The following FNIP2 variants were observed in gnomAD, a reference collection of about 807,000 sequenced individuals.
The protein encoded by FNIP2 is folliculin interacting protein 2.
A neutral mutation model predicts 108.7 loss-of-function variants in FNIP2; 32 were observed. That is an observed-to-expected ratio of 0.29 (90% CI 0.22 to 0.40). The LOEUF (loss-of-function observed/expected upper bound fraction) is 0.40. FNIP2 is among the 10% of genes least tolerant of loss of function. FNIP2 has a pLI of 1.00. For synonymous variants in FNIP2, 480 were observed against 496.7 expected, an observed-to-expected ratio of 0.97 and a Z score of 0.45; for missense variants, 1,202 against 1,381.6, an observed-to-expected ratio of 0.87 and a Z score of 2.06.
intron 14 of FNIP2, chr4:158,871,919 G>T (rs932241158): frequency 8.1e-6 from 8 of 985,296 alleles, no homozygotes; most frequent in Non-Finnish European, 9.6e-6. Context: ...CTGTATTTAT[G>T]TGTGTTTAGT....
intron 13 of FNIP2, 95 bp from the exon 14 acceptor site, chr4:158,870,218 A>T: frequency 7.5e-7 from 1 of 1,338,264 alleles, no homozygotes; most frequent in South Asian, 1.4e-5. Context: ...AATCTATTTT[A>T]TTTACCTGTA....
At position 158,876,974 on chromosome 4, in the gene FNIP2, TG is replaced by T. The variant is rs144158080; in HGVS notation, c.2949+6506del. On this transcript the variant is annotated intron_variant, in intron 14 of 16. Transcript: ENST00000264433. Reference sequence around the variant, plus strand: ...TTGCATCGTGTCAGAGTTAGACACATGTCTAATTTTGATGTTTTTCCCAAAA... The same window carrying T: ...TTGCATCGTGTCAGAGTTAGACACATTCTAATTTTGATGTTTTTCCCAAAA... 7.1e-3 allele frequency among the ~76,000 whole-genome samples: 1,075 copies of T among 152,342 alleles called. 9 individuals carry two copies. Among genetic ancestry groups the T allele is most frequent in the African/African-American group, 0.024 (991 of 41,578 alleles).
At chr4:158,864,064 C>A (rs1026456638) in intron 12 of FNIP2, among the ~76,000 whole-genome samples, 7 of 152,098 alleles carry the variant, frequency 4.6e-5, no homozygotes, top group Admixed American at 2.6e-4. Flanking sequence ...GACAGAGTCT[C>A]GCTCTGTCAC....
intron 10 of FNIP2, 27 bp from the exon 11 acceptor site, chr4:158,861,315 G>T: frequency 6.3e-7 from 1 of 1,591,734 alleles, no homozygotes; most frequent in Non-Finnish European, 8.5e-7. Flanking sequence ...TGACACTTTT[G>T]TGTTTCCCTC....
rs775128738 is a variant in FNIP2, at chr4:158,869,370, C to A, written c.2734C>A (p.Leu912Met). 2 of 1,611,850 alleles carry A rather than the reference C, an allele frequency of 1.2e-6. No individual in the cohort carries two copies. The highest frequency in any genetic ancestry group is 1.7e-5 in the Admixed American group (1 of 59,766). ...AGCCTGCGCTTCAGCCATGCTAGAT[C>A]TGGGTCACGGTGGTGACAGGACTGG... ...DEACASAMLDLGHGGDRTGGS... is the reference protein window; with the variant it reads ...DEACASAMLDMGHGGDRTGGS... Residue 912 changes from leucine to methionine, a missense_variant, in exon 13 of 17, where the codon CTG becomes ATG. Coordinates refer to ENST00000264433, the MANE Select transcript of FNIP2 (RefSeq NM_020840.3).
At chr4:158,846,320 T>G (rs570664008) in intron 7 of FNIP2, among the ~76,000 whole-genome samples, 1 of 152,348 alleles carries the variant, frequency 6.6e-6, no homozygotes, top group East Asian at 1.9e-4. Flanking sequence ...TCTTTTCTGT[T>G]TTTTTAAATG....
intron 14 of FNIP2, among the ~76,000 whole-genome samples, chr4:158,879,900 C>T (rs1191041893): frequency 6.7e-6 from 1 of 150,306 alleles, no homozygotes. Context: ...GAGATACCAT[C>T]TCACACCAGT....
At chr4:158,878,829 G>C (rs995402426) in intron 14 of FNIP2, among the ~76,000 whole-genome samples, 1 of 152,092 alleles carries the variant, frequency 6.6e-6, no homozygotes, top group Admixed American at 6.5e-5. Flanking sequence ...AAAAAAAAGA[G>C]AGGATAATGT....
At chr4:158,850,845 C>A (rs1038004310) in intron 7 of FNIP2, among the ~76,000 whole-genome samples, 9 of 151,822 alleles carry the variant, frequency 5.9e-5, no homozygotes, top group African/African-American at 2.2e-4. Flanking sequence ...TAGTAGAAAT[C>A]TGCAATCTAC....
rs1297211800 is a variant in FNIP2, at chr4:158,906,759, T to G, written c.*2215T>G. 6.6e-6 allele frequency: 1 copy of G among 152,102 alleles called. No homozygotes were observed. Among genetic ancestry groups the G allele is most frequent in the African/African-American group, 2.4e-5 (1 of 41,418 alleles). 9.4% of individuals were successfully genotyped at this position (152,102 alleles called of 1,614,324 possible). On this transcript the variant is annotated 3_prime_UTR_variant, in exon 17 of 17. Transcript: ENST00000264433. Reference sequence around the variant, plus strand: ...TTTATAATCCTTTAAATATTTAACATTCAAGTTTTCTTTGTCTTAAATTCA... The same window carrying G: ...TTTATAATCCTTTAAATATTTAACAGTCAAGTTTTCTTTGTCTTAAATTCA...
At chr4:158,891,346 G>T (rs888681234) in intron 14 of FNIP2, 100 bp from the exon 15 acceptor site, 5 of 1,130,878 alleles carry the variant, frequency 4.4e-6, no homozygotes, top group Non-Finnish European at 5.0e-6. Context: ...CTGCCTGGCT[G>T]TCAAGAATTT....
chr4:158,895,782 G>A lies in FNIP2; in HGVS notation c.3183G>A (p.Glu1061=), dbSNP rs1217534619. 1 of 1,612,804 alleles carries A rather than the reference G, an allele frequency of 6.2e-7. No individual in the cohort carries two copies. Among genetic ancestry groups the A allele is most frequent in the Non-Finnish European group, 8.5e-7 (1 of 1,179,386 alleles). ...TGCATCTTGAAGATAGACTACAGGA[G>A]ATGTACCTTAAAAGTAAAATGCTAT... is the stretch of plus-strand genomic sequence containing the variant. The part of the protein sequence containing the change: ...CIMHLEDRLQ[E]MYLKSKMLSE... The change falls in exon 16 of 17, where the codon GAG becomes GAA. Residue 1061 remains glutamate (E), a synonymous_variant. Transcript: ENST00000264433.
chr4:158,775,666 A>G (rs1187823156), intron 1 of FNIP2, among the ~76,000 whole-genome samples: 2 of 152,192 alleles, frequency 1.3e-5, no homozygotes, highest in African/African-American at 4.8e-5. Context: ...GAAAAGGACA[A>G]TGTGCCTTCT....
In FNIP2 at chr4:158,904,500, A is replaced by T; in HGVS notation, c.3301A>T (p.Ile1101Phe). 1 of 1,613,364 alleles carries T rather than the reference A, an allele frequency of 6.2e-7. No individual in the cohort carries two copies. Among genetic ancestry groups the T allele is most frequent in the Non-Finnish European group, 8.5e-7 (1 of 1,179,812 alleles). The stretch of plus-strand genomic sequence containing the variant: ...CAACGACCTGCCTCTGTTGACTGCT[A>T]TTGCCAGTACTCATTCTCCTTATGT... ...ESNDLPLLTA[I>F]ASTHSPYVAQ... The change falls in exon 17 of 17, where the codon ATT becomes TTT. Residue 1101 changes from isoleucine to phenylalanine, a missense_variant. Physicochemically the swap from Ile to Phe is conservative, Grantham distance 21 (BLOSUM62 0). Transcript: ENST00000264433.
Position 158,819,014 on chromosome 4 carries a change from A to G in FNIP2, c.108-6902A>G, listed in dbSNP as rs192102042. On this transcript the variant is annotated intron_variant, in intron 1 of 16. Coordinates refer to ENST00000264433, the MANE Select transcript of FNIP2 (RefSeq NM_020840.3). Reference sequence around the variant, plus strand: ...GACCTCTTTATCCTGTAGAGTCCCCATAAGTCCCTATAGACATTTATCTTG... The same window carrying G: ...GACCTCTTTATCCTGTAGAGTCCCCGTAAGTCCCTATAGACATTTATCTTG... Among the ~76,000 whole-genome samples the G allele has an allele frequency of 1.6e-4, 24 of 152,330 alleles. No individual in the cohort carries two copies. The East Asian group carries it at 3.7e-3, about 23-fold the overall frequency.
chr4:158,873,962 C>G (rs1233689982), intron 14 of FNIP2, among the ~76,000 whole-genome samples: 3 of 152,302 alleles, frequency 2.0e-5, no homozygotes, highest in African/African-American at 7.2e-5. Context: ...TCTCCTTTTT[C>G]CTCTTGTGTC....
chr4:158,784,593 G>A (rs1282029684), intron 1 of FNIP2, among the ~76,000 whole-genome samples: 1 of 152,218 alleles, frequency 6.6e-6, no homozygotes, highest in African/African-American at 2.4e-5. Flanking sequence ...TCCCATCTGG[G>A]GTTGATGGGA....
intron 1 of FNIP2, among the ~76,000 whole-genome samples, chr4:158,823,206 C>G (rs893809720): frequency 6.6e-6 from 1 of 152,054 alleles, no homozygotes; most frequent in African/African-American, 2.4e-5. Flanking sequence ...TTAACAAAAT[C>G]AACATATGTA....
At chr4:158,901,286 C>T (rs561830717) in intron 16 of FNIP2, among the ~76,000 whole-genome samples, 2 of 152,034 alleles carry the variant, frequency 1.3e-5, no homozygotes, top group East Asian at 1.9e-4. Flanking sequence ...GCGTGTGCCA[C>T]GAAAATTCTT....
Sources: gnomAD v4.1 joint callset for allele counts (sites outside exome capture counted in the v4.1 genomes callset) on GRCh38, gnomAD v4.1.1 for gene constraint, MANE v1.5 for transcripts, NCBI Gene and HGNC (gene_info 2026-07-23, HGNC 2026-07-21) for gene names.